The following GALNT14 variants were observed in gnomAD, a reference collection of about 807,000 sequenced individuals.
The protein encoded by GALNT14 is polypeptide N-acetylgalactosaminyltransferase 14, also known as UDP-GalNAc:polypeptide N-acetylgalactosaminyltransferase 14.
GALNT14 carries 60 observed loss-of-function variants against 77.5 expected under a neutral mutation model. That is an observed-to-expected ratio of 0.77 (90% CI 0.63 to 0.96). The LOEUF is 0.96. GALNT14 is among the 40% of genes least tolerant of loss of function. GALNT14 has a pLI of 0.00. For missense variants in GALNT14, 710 were observed against 731.0 expected (o/e 0.97, Z 0.33); for synonymous variants, 280 against 281.7 (o/e 0.99, Z 0.06).
At chr2:31,035,616 C>CACATACA (rs768333997) in intron 1 of GALNT14, among the ~76,000 whole-genome samples, 18 of 37,866 alleles carry the variant, frequency 4.8e-4, no homozygotes, top group African/African-American at 2.2e-3. Context: ...CACACACACA[C>CACATACA]CTACACACAC....
At chr2:31,079,239 T>A (rs1676006823) in intron 1 of GALNT14, among the ~76,000 whole-genome samples, 1 of 152,180 alleles carries the variant, frequency 6.6e-6, no homozygotes, top group South Asian at 2.1e-4. Context: ...CTTCTAGGGA[T>A]GATGGCTTCT....
intron 1 of GALNT14, among the ~76,000 whole-genome samples, chr2:31,025,856 G>A (rs576660718): frequency 2.8e-4 from 42 of 152,300 alleles, no homozygotes; most frequent in African/African-American, 1.0e-3. Flanking sequence ...GGTAACTCAG[G>A]CAGGCCTTCT....
intron 9 of GALNT14, among the ~76,000 whole-genome samples, chr2:30,936,861 A>C (rs1666087117): frequency 2.6e-5 from 4 of 152,220 alleles, no homozygotes; most frequent in Admixed American, 2.0e-4. Context: ...ATACGACTGC[A>C]AATGCCAGGT....
chr2:30,958,447 G>A lies in GALNT14; in HGVS notation c.416C>T (p.Pro139Leu). 6 of 1,614,044 alleles carry A rather than the reference G, an allele frequency of 3.7e-6. No individual in the cohort carries two copies. Among genetic ancestry groups the A allele is most frequent in the Non-Finnish European group, 4.2e-6 (5 of 1,179,962 alleles). ...RTIRSVLNRT[P>L]THLIREIILV... ...TATGATTTCCCGGATCAGATGCGTA[G>A]GGGTGCGGTTTAATACACTGCAAGA... The change falls in exon 4 of 15, where the codon CCT (proline) becomes CTT (leucine). Residue 139 changes from proline to leucine, a missense_variant. Transcript: ENST00000349752.
chr2:30,998,769 C>G (rs576507066), intron 1 of GALNT14, among the ~76,000 whole-genome samples: 1 of 152,362 alleles, frequency 6.6e-6, no homozygotes, highest in African/African-American at 2.4e-5. Context: ...AGAACTCCGG[C>G]AGCCAGCTCC....
At chr2:30,894,260 T>C in the GALNT14 span, among the ~76,000 whole-genome samples, 1 of 152,228 alleles carries the variant, frequency 6.6e-6, no homozygotes, top group African/African-American at 2.4e-5. Context: ...TCAGTAGACC[T>C]GGTTACTTGC....
intron 1 of GALNT14, among the ~76,000 whole-genome samples, chr2:31,122,714 C>T (rs962878649): frequency 1.3e-5 from 2 of 152,018 alleles, no homozygotes; most frequent in African/African-American, 4.8e-5. Flanking sequence ...ATAAATGTTT[C>T]TATAAACATT....
rs10562223 is a variant in GALNT14, at chr2:31,027,886, C to CTGTGTGTGTGTGTGTGTGTGTGTGTGTG, written c.130-34907_130-34880dup. Among the ~76,000 whole-genome samples, 455 of 141,840 alleles carry CTGTGTGTGTGTGTGTGTGTGTGTGTGTG rather than the reference C, an allele frequency of 3.2e-3. 2 individuals carry two copies. Among genetic ancestry groups the CTGTGTGTGTGTGTGTGTGTGTGTGTGTG allele is most frequent in the African/African-American group, 5.2e-3 (200 of 38,472 alleles). The allele number at this position is 141,840 out of a possible 152,430, so 93.1% of individuals were successfully genotyped here. A position where few individuals can be genotyped will look rare whatever the true frequency, so the allele number is the denominator to read the frequency against. On this transcript the variant is annotated intron_variant, in intron 1 of 14. Coordinates refer to ENST00000349752, the MANE Select transcript of GALNT14 (RefSeq NM_024572.4). ...TACTCTAAGAGGGCCCAGATGTATT[C>CTGTGTGTGTGTGTGTGTGTGTGTGTGTG]TGTGTGTGTGTGTGTGTGTGTGTGT...
intron 1 of GALNT14, among the ~76,000 whole-genome samples, chr2:31,041,961 C>T (rs532639147): frequency 5.6e-4 from 85 of 152,108 alleles, no homozygotes; most frequent in African/African-American, 2.0e-3. Flanking sequence ...ACAGGAAGCA[C>T]AGGAAGAAGA....
At chr2:31,046,440 G>T (rs921207368) in intron 1 of GALNT14, among the ~76,000 whole-genome samples, 1 of 152,126 alleles carries the variant, frequency 6.6e-6, no homozygotes, top group African/African-American at 2.4e-5. Flanking sequence ...ATGTTAGCCA[G>T]GATGGTCTCG....
intron 13 of GALNT14, among the ~76,000 whole-genome samples, chr2:30,923,466 T>C (rs1438949130): frequency 2.6e-5 from 4 of 152,070 alleles, no homozygotes; most frequent in African/African-American, 4.8e-5. Context: ...CCAAAAAACA[T>C]GGCAGGGAGG....
At chr2:30,962,830 T>C (rs1667775107) in intron 3 of GALNT14, among the ~76,000 whole-genome samples, 1 of 152,132 alleles carries the variant, frequency 6.6e-6, no homozygotes, top group Non-Finnish European at 1.5e-5. Context: ...GAAGATCCCT[T>C]TATTGAAGAC....
chr2:31,073,497 C>T (rs1415329450), intron 1 of GALNT14, among the ~76,000 whole-genome samples: 1 of 151,460 alleles, frequency 6.6e-6, no homozygotes, highest in Non-Finnish European at 1.5e-5. Flanking sequence ...GGGGGGGGAA[C>T]AGCATTTGGG....
At chr2:31,129,121 A>G (rs911476654) in intron 1 of GALNT14, among the ~76,000 whole-genome samples, 3 of 152,244 alleles carry the variant, frequency 2.0e-5, no homozygotes, top group African/African-American at 7.2e-5. Flanking sequence ...TCTCACCTGA[A>G]GTTGAGCGTG....
chr2:31,131,256 G>A (rs1208599294), intron 1 of GALNT14, among the ~76,000 whole-genome samples: 1 of 152,158 alleles, frequency 6.6e-6, no homozygotes, highest in Non-Finnish European at 1.5e-5. Flanking sequence ...CTTGTGTGCA[G>A]CATGAGTCTC....
At chr2:31,057,440 G>T (rs2148533107) in intron 1 of GALNT14, among the ~76,000 whole-genome samples, 1 of 143,554 alleles carries the variant, frequency 7.0e-6, no homozygotes, top group Admixed American at 7.0e-5. Flanking sequence ...CACACACACG[G>T]CTGTTGCAGG....
intron 1 of GALNT14, among the ~76,000 whole-genome samples, chr2:31,088,034 A>T (rs1261701125): frequency 6.6e-6 from 1 of 152,196 alleles, no homozygotes; most frequent in Non-Finnish European, 1.5e-5. Context: ...TGGCGCTTTG[A>T]TCTAGGACTT....
intron 1 of GALNT14, among the ~76,000 whole-genome samples, chr2:31,036,098 T>C (rs985967896): frequency 2.0e-5 from 3 of 152,202 alleles, no homozygotes; most frequent in African/African-American, 4.8e-5. Context: ...CACGCTCTGT[T>C]TTTTGATTGA....
intron 2 of GALNT14, among the ~76,000 whole-genome samples, chr2:30,969,076 A>C (rs1213876068): frequency 6.6e-6 from 1 of 152,128 alleles, no homozygotes; most frequent in Non-Finnish European, 1.5e-5. Context: ...AAGAGGAACA[A>C]GTGGATGTCA....
Sources: allele counts gnomAD v4.1 joint callset (sites outside exome capture counted in the v4.1 genomes callset), GRCh38; gene constraint gnomAD v4.1.1; transcripts MANE v1.5; gene names NCBI Gene and HGNC (gene_info 2026-07-23, HGNC 2026-07-21).